CYFIP2: variants seen among roughly 807,000 people sequenced by gnomAD.
CYFIP2 encodes the protein cytoplasmic FMR1-interacting protein 2.
A neutral mutation model predicts 158.7 loss-of-function variants in CYFIP2; 29 were observed. That is an observed-to-expected ratio of 0.18 (90% CI 0.14 to 0.25). The LOEUF (loss-of-function observed/expected upper bound fraction) is 0.25. Ranked by LOEUF, CYFIP2 falls within the 10% of genes least tolerant of loss-of-function variation. The pLI is 1.00. For synonymous variants in CYFIP2, 585 were observed against 617.6 expected, an observed-to-expected ratio of 0.95 and a Z score of 0.78; for missense variants, 852 against 1,639.5, an observed-to-expected ratio of 0.52 and a Z score of 8.29.
chr5:157,352,643 A>G (rs913075430), intron 23 of CYFIP2, among the ~76,000 whole-genome samples: 2 of 152,210 alleles, frequency 1.3e-5, no homozygotes, highest in African/African-American at 4.8e-5. Context: ...TTCAGATTCC[A>G]CTTCTGCTAA....
At chr5:157,363,977 CCT>C (rs950566562) in intron 26 of CYFIP2, 1 of 152,060 alleles carries the variant, frequency 6.6e-6, no homozygotes, top group African/African-American at 2.4e-5. Flanking sequence ...TCAGACTCTC[CCT>C]GAGAGGCTCT....
intron 26 of CYFIP2, among the ~76,000 whole-genome samples, chr5:157,371,744 CAGAA>C (rs1581168527): frequency 6.6e-6 from 1 of 152,142 alleles, no homozygotes; most frequent in African/African-American, 2.4e-5. Flanking sequence ...TAAATTAAGA[CAGAA>C]AGTAATGCAA....
intron 23 of CYFIP2, among the ~76,000 whole-genome samples, chr5:157,346,905 T>C (rs1408840936): frequency 6.6e-6 from 1 of 152,168 alleles, no homozygotes; most frequent in African/African-American, 2.4e-5. Flanking sequence ...TTGCCTCCCC[T>C]TTTCTCATAA....
At chr5:157,369,768 G>T (rs1222268500) in intron 26 of CYFIP2, among the ~76,000 whole-genome samples, 4 of 152,066 alleles carry the variant, frequency 2.6e-5, no homozygotes. Flanking sequence ...GTGCAGGTTA[G>T]TGCAATGGTC....
At chr5:157,358,980 A>G in intron 23 of CYFIP2, 25 bp from the exon 24 acceptor site, 2 of 1,613,828 alleles carry the variant, frequency 1.2e-6, no homozygotes, top group Non-Finnish European at 1.7e-6. Context: ...TCAGGCACTT[A>G]TTTGCCACTA....
chr5:157,354,751 G>C lies in CYFIP2; in HGVS notation c.2674-4254G>C, dbSNP rs544200710. 2.0e-5 allele frequency among the ~76,000 whole-genome samples: 3 copies of C among 152,090 alleles called. No homozygotes were observed. The East Asian group carries it at 5.8e-4, about 29-fold the overall frequency. ...CAATCAGGGGCCTCCAAAGTGAACC[G>C]AGTGGGTGTGTAGGGGGCATTTTAA... is the stretch of plus-strand genomic sequence containing the variant. On this transcript the variant is annotated intron_variant, in intron 23 of 30. Coordinates refer to ENST00000620254, the MANE Select transcript of CYFIP2 (RefSeq NM_001037333.3).
At chr5:157,340,666 A>G (rs1762182777) in intron 22 of CYFIP2, among the ~76,000 whole-genome samples, 1 of 152,232 alleles carries the variant, frequency 6.6e-6, no homozygotes, top group South Asian at 2.1e-4. Flanking sequence ...AGTACTTGCA[A>G]CAGAGACCGT....
chr5:157,341,163 T>C lies in CYFIP2; in HGVS notation c.2673+6T>C, dbSNP rs377617680. On this transcript the variant is annotated splice_donor_region_variant and intron_variant, in intron 23 of 30. Coordinates refer to ENST00000620254, the MANE Select transcript of CYFIP2 (RefSeq NM_001037333.3). ...ATTACCTCTATGGATCCAAGGTAAGTAGTCCTGCCCTACCCTGCCTAGAAG... is the reference window on the plus strand; with the variant it reads ...ATTACCTCTATGGATCCAAGGTAAGCAGTCCTGCCCTACCCTGCCTAGAAG... 6.2e-7 allele frequency: 1 copy of C among 1,612,962 alleles called. No homozygotes were observed.
At chr5:157,392,762 T>A in intron 30 of CYFIP2, 71 bp from the exon 31 acceptor site, 1 of 1,554,022 alleles carries the variant, frequency 6.4e-7, no homozygotes, top group South Asian at 1.2e-5. Context: ...CCTCAGTGAC[T>A]TCTCCTGTTA....
At chr5:157,274,092 T>C (rs993057687) in intron 1 of CYFIP2, among the ~76,000 whole-genome samples, 3 of 149,660 alleles carry the variant, frequency 2.0e-5, no homozygotes, top group African/African-American at 7.4e-5. Context: ...ATCATGCCAT[T>C]GCACTCCAGC....
intron 23 of CYFIP2, among the ~76,000 whole-genome samples, chr5:157,358,263 T>C (rs1449744680): frequency 6.6e-6 from 1 of 152,196 alleles, no homozygotes; most frequent in Non-Finnish European, 1.5e-5. Flanking sequence ...AATTCAGTTA[T>C]GGTGTCTCAT....
chr5:157,346,415 G>T (rs1371381848), intron 23 of CYFIP2, among the ~76,000 whole-genome samples: 1 of 152,118 alleles, frequency 6.6e-6, no homozygotes, highest in Admixed American at 6.6e-5. Flanking sequence ...TGGATTTAAG[G>T]GTGAGCCCTA....
At chr5:157,365,291 T>A (rs1305863653) in intron 26 of CYFIP2, 2 of 152,182 alleles carry the variant, frequency 1.3e-5, no homozygotes, top group Non-Finnish European at 2.9e-5. Context: ...AAGGAAAAAG[T>A]AAGAAATCTC....
At chr5:157,307,659 G>GTGGGTGTGTA in intron 8 of CYFIP2, 102 bp from the exon 9 acceptor site, 1 of 481,048 alleles carries the variant, frequency 2.1e-6, no homozygotes. Context: ...GTGTGTGTAT[G>GTGGGTGTGTA]TGTGTGTGTG....
At chr5:157,288,032 G>T (rs1484080347) in intron 3 of CYFIP2, among the ~76,000 whole-genome samples, 1 of 152,168 alleles carries the variant, frequency 6.6e-6, no homozygotes, top group Non-Finnish European at 1.5e-5. Context: ...GGTTGAGGCT[G>T]CAGTGAGCCA....
intron 23 of CYFIP2, among the ~76,000 whole-genome samples, chr5:157,354,759 G>A (rs2113330585): frequency 6.6e-6 from 1 of 152,238 alleles, no homozygotes; most frequent in Middle Eastern, 3.4e-3. Flanking sequence ...CCGAGTGGGT[G>A]TGTAGGGGGC....
chr5:157,326,105 A>G, intron 17 of CYFIP2, 66 bp from the exon 18 acceptor site: 1 of 1,173,104 alleles, frequency 8.5e-7, no homozygotes, highest in Non-Finnish European at 1.3e-6. Context: ...TTCCCAAGCA[A>G]GTATAAAGCT....
intron 23 of CYFIP2, among the ~76,000 whole-genome samples, chr5:157,351,110 G>A (rs988950395): frequency 2.6e-5 from 4 of 151,668 alleles, no homozygotes; most frequent in Non-Finnish European, 5.9e-5. Context: ...GTTAAAGTGG[G>A]CACCCTTGTC....
At chr5:157,338,406 A>G (rs1323748030) in intron 21 of CYFIP2, among the ~76,000 whole-genome samples, 1 of 152,250 alleles carries the variant, frequency 6.6e-6, no homozygotes, top group Non-Finnish European at 1.5e-5. Flanking sequence ...TAAAACTTCT[A>G]TAGCAGTTAG....
Sources: allele counts gnomAD v4.1 joint callset (sites outside exome capture counted in the v4.1 genomes callset), GRCh38; gene constraint gnomAD v4.1.1; transcripts MANE v1.5; gene names NCBI Gene and HGNC (gene_info 2026-07-23, HGNC 2026-07-21).